The following CDC34 variants were observed in gnomAD, a reference collection of about 807,000 sequenced individuals.
The protein encoded by CDC34 is ubiquitin-conjugating enzyme E2 R1.
A neutral mutation model predicts 26.8 loss-of-function variants in CDC34; 18 were observed. The ratio of observed to expected loss-of-function variants is 0.67; its 90% CI spans 0.47 to 1.00. CDC34 has a LOEUF of 1.00. CDC34 is among the 50% of genes least tolerant of loss of function. The probability of loss-of-function intolerance (pLI) is 0.00; values close to 1 mark genes in which losing one functional copy is unlikely to be tolerated. For synonymous variants in CDC34, 178 were observed against 147.5 expected (o/e 1.21, Z -1.50); for missense variants, 280 against 334.5 (o/e 0.84, Z 1.27).
intron 4 of CDC34, chr19:538,929 C>T (rs928789654): frequency 1.8e-5 from 18 of 985,228 alleles, no homozygotes; most frequent in Non-Finnish European, 1.8e-5. Context: ...TCACCTGGCC[C>T]AGGTGGCTGG....
intron 1 of CDC34, 101 bp from the exon 2 acceptor site, chr19:535,736 C>T: frequency 1.1e-6 from 1 of 885,902 alleles, no homozygotes. Context: ...CACACACCCT[C>T]AGGCACCAGC....
In CDC34 at chr19:537,147, G is replaced by A; in HGVS notation, c.497G>A (p.Arg166Gln). ...GKDREYTDII[R>Q]KQVLGTKVDA... ...GATCGGGAGTACACAGACATCATCC[G>A]GTGAGGGCGGGCGGGGGCGTCACGG... Residue 166 changes from arginine to glutamine, a missense_variant and splice_region_variant, in exon 4 of 5, where the codon CGG (arginine) becomes CAG (glutamine). By Grantham distance (43) the Arg-to-Gln change is conservative. Transcript: ENST00000215574. The A allele has an allele frequency of 4.3e-6, 7 of 1,612,936 alleles. No homozygotes were observed. Among genetic ancestry groups the A allele is most frequent in the East Asian group, 2.2e-5 (1 of 44,866 alleles).
chr19:534,406 A>C (rs1483288623), intron 1 of CDC34, among the ~76,000 whole-genome samples: 1 of 142,974 alleles, frequency 7.0e-6, no homozygotes, highest in Non-Finnish European at 1.5e-5. Flanking sequence ...CCCACAATCC[A>C]AGACCCCCGA....
At chr19:533,489 C>G (rs949046416) in intron 1 of CDC34, among the ~76,000 whole-genome samples, 1 of 152,238 alleles carries the variant, frequency 6.6e-6, no homozygotes, top group African/African-American at 2.4e-5. Context: ...TCCTGCGTCC[C>G]CACACAGGGA....
In CDC34 at chr19:541,863, G is replaced by A. The variant is rs890673636; in HGVS notation, c.*311G>A. On this transcript the variant is annotated 3_prime_UTR_variant, in exon 5 of 5. Transcript: ENST00000215574. Reference sequence around the variant, plus strand: ...GGGTCCCCCAGCTTCCGGACTGGCCGCACCCCGGAGGAGCCACGGGGGCGC... The same window carrying A: ...GGGTCCCCCAGCTTCCGGACTGGCCACACCCCGGAGGAGCCACGGGGGCGC... The A allele has an allele frequency of 2.8e-4, 61 of 215,620 alleles. No individual in the cohort carries two copies. The highest frequency in any genetic ancestry group is 2.5e-3 in the Admixed American group (45 of 18,008). 13.4% of individuals were successfully genotyped at this position (215,620 alleles called of 1,614,324 possible). A position where few individuals can be genotyped will look rare whatever the true frequency, so the allele number is the denominator to read the frequency against.
intron 4 of CDC34, among the ~76,000 whole-genome samples, chr19:539,532 G>C (rs953234449): frequency 6.6e-6 from 1 of 152,222 alleles, no homozygotes; most frequent in Non-Finnish European, 1.5e-5. Flanking sequence ...TGCCCTCCAC[G>C]CGTCATGCAT....
At chr19:537,354 C>T (rs1203752186) in intron 4 of CDC34, among the ~76,000 whole-genome samples, 3 of 152,096 alleles carry the variant, frequency 2.0e-5, no homozygotes, top group East Asian at 1.9e-4. Context: ...TGCCCCTTTT[C>T]CTCTTTTTTT....
At position 541,697 on chromosome 19, in the gene CDC34, G is replaced by A; in HGVS notation, c.*145G>A. On this transcript the variant is annotated 3_prime_UTR_variant, in exon 5 of 5. Coordinates refer to ENST00000215574, the MANE Select transcript of CDC34 (RefSeq NM_004359.2). The stretch of plus-strand genomic sequence containing the variant: ...TGGCTTTTTCTCCCTCCCCATGTCT[G>A]TTCTGGGTTTTCACGTGCTTCAGAG... The A allele has an allele frequency of 1.1e-6, 1 of 897,820 alleles. No individual in the cohort carries two copies. The highest frequency in any genetic ancestry group is 1.6e-6 in the Non-Finnish European group (1 of 625,796). 55.6% of individuals were successfully genotyped at this position (897,820 alleles called of 1,614,324 possible).
At chr19:532,680 C>T (rs887845444) in intron 1 of CDC34, among the ~76,000 whole-genome samples, 1 of 152,264 alleles carries the variant, frequency 6.6e-6, no homozygotes, top group African/African-American at 2.4e-5. Flanking sequence ...AACAAAGGCC[C>T]GGATGAGCCT....
At chr19:538,603 A>G (rs1979871339) in intron 4 of CDC34, 4 of 655,474 alleles carry the variant, frequency 6.1e-6, no homozygotes, top group African/African-American at 4.0e-5. Flanking sequence ...TTTTGTTGGT[A>G]TTTTGTATAA....
intron 1 of CDC34, among the ~76,000 whole-genome samples, chr19:533,493 A>C (rs1979592367): frequency 1.3e-5 from 2 of 152,242 alleles, no homozygotes; most frequent in South Asian, 4.1e-4. Context: ...GCGTCCCCAC[A>C]CAGGGAACAG....
Position 541,337 on chromosome 19 carries a change from A to G in CDC34, c.498-2A>G. 1 of 1,561,962 alleles carries G rather than the reference A, an allele frequency of 6.4e-7. No homozygotes were observed. On this transcript the variant is annotated splice_acceptor_variant, in intron 4 of 4. Transcript: ENST00000215574. LOFTEE classifies it high-confidence loss of function. ...GCGCCCTCACCCACCCTGTCCCCCCAGGAAGCAGGTCCTGGGGACCAAGGT... is the reference window on the plus strand; with the variant it reads ...GCGCCCTCACCCACCCTGTCCCCCCGGGAAGCAGGTCCTGGGGACCAAGGT...
At chr19:532,588 G>A (rs1979547145) in intron 1 of CDC34, among the ~76,000 whole-genome samples, 1 of 152,214 alleles carries the variant, frequency 6.6e-6, no homozygotes, top group Non-Finnish European at 1.5e-5. Flanking sequence ...CCCCGTAGCT[G>A]CTATTGTTGG....
At chr19:532,923 TCA>T (rs1209704146) in intron 1 of CDC34, among the ~76,000 whole-genome samples, 3 of 152,216 alleles carry the variant, frequency 2.0e-5, no homozygotes, top group Admixed American at 6.5e-5. Flanking sequence ...TTGGCCTTTC[TCA>T]GAGTCCACTG....
intron 1 of CDC34, among the ~76,000 whole-genome samples, chr19:532,564 G>A (rs1165299211): frequency 6.6e-6 from 1 of 151,930 alleles, no homozygotes; most frequent in Non-Finnish European, 1.5e-5. Flanking sequence ...AGGAGACAAA[G>A]AGGCCCCCCC....
chr19:533,623 C>T (rs574123726), intron 1 of CDC34, among the ~76,000 whole-genome samples: 5 of 152,346 alleles, frequency 3.3e-5, no homozygotes, highest in Admixed American at 6.5e-5. Flanking sequence ...GCCTGTGAGG[C>T]GGCTGCTGTT....
Position 541,559 on chromosome 19 carries a change from C to A in CDC34, c.*7C>A. Reference sequence around the variant, plus strand: ...TGGCACGGAGGAGTCCTGACACCACCAGAATAAACTTGCCGAGTTTACCTC... The same window carrying A: ...TGGCACGGAGGAGTCCTGACACCACAAGAATAAACTTGCCGAGTTTACCTC... On this transcript the variant is annotated 3_prime_UTR_variant, in exon 5 of 5. Transcript: ENST00000215574. The A allele has an allele frequency of 6.4e-7, 1 of 1,564,248 alleles. No homozygotes were observed. The highest frequency in any genetic ancestry group is 8.7e-7 in the Non-Finnish European group (1 of 1,152,390).
In CDC34 at chr19:536,998, C is replaced by T. The variant is rs1979785832; in HGVS notation, c.363-15C>T. On this transcript the variant is annotated splice_polypyrimidine_tract_variant and intron_variant, in intron 3 of 4. Coordinates refer to ENST00000215574, the MANE Select transcript of CDC34 (RefSeq NM_004359.2). ...GTGCCCCGGGCCGCCCCACTCCGAC[C>T]CACTCTCCCCACAGGACCATTCTCC... is the stretch of plus-strand genomic sequence containing the variant. 6.2e-7 allele frequency: 1 copy of T among 1,613,264 alleles called. No individual in the cohort carries two copies. Among genetic ancestry groups the T allele is most frequent in the Non-Finnish European group, 8.5e-7 (1 of 1,179,920 alleles).
intron 4 of CDC34, chr19:541,113 G>A (rs925887604): frequency 5.5e-6 from 3 of 543,368 alleles, no homozygotes; most frequent in Non-Finnish European, 9.6e-6. Flanking sequence ...ACTGCACTGC[G>A]CCCGTCCAGC....
Sources: allele counts gnomAD v4.1 joint callset (sites outside exome capture counted in the v4.1 genomes callset), GRCh38; gene constraint gnomAD v4.1.1; transcripts MANE v1.5; gene names NCBI Gene and HGNC (gene_info 2026-07-23, HGNC 2026-07-21).